The following RABGAP1L variants were observed in gnomAD, a reference collection of about 807,000 sequenced individuals.
RABGAP1L encodes the protein rab GTPase-activating protein 1-like.
A neutral mutation model predicts 137.7 loss-of-function variants in RABGAP1L; 63 were observed. The ratio of observed to expected loss-of-function variants is 0.46; its 90% CI spans 0.37 to 0.56. The LOEUF (loss-of-function observed/expected upper bound fraction) is 0.56, where lower values mean the gene tolerates loss of function less well. Ranked by LOEUF, RABGAP1L falls within the 20% of genes least tolerant of loss-of-function variation. RABGAP1L has a pLI of 0.00. For missense variants in RABGAP1L, 1,095 were observed against 1,244.0 expected (o/e 0.88, Z 1.80); for synonymous variants, 431 against 433.7 (o/e 0.99, Z 0.08).
chr1:174,380,032 T>G (rs1488178209), intron 12 of RABGAP1L, among the ~76,000 whole-genome samples: 1 of 130,410 alleles, frequency 7.7e-6, no homozygotes, highest in Non-Finnish European at 1.6e-5. Flanking sequence ...TTTTTCTGCA[T>G]CTATTGAGAT....
intron 19 of RABGAP1L, among the ~76,000 whole-genome samples, chr1:174,895,812 T>C (rs1040720253): frequency 6.6e-6 from 1 of 152,208 alleles, no homozygotes; most frequent in African/African-American, 2.4e-5. Flanking sequence ...ATGGTATATA[T>C]GTGCCACATT....
At chr1:174,745,446 A>G (rs1683796667) in intron 17 of RABGAP1L, among the ~76,000 whole-genome samples, 1 of 152,204 alleles carries the variant, frequency 6.6e-6, no homozygotes, top group African/African-American at 2.4e-5. Flanking sequence ...GCATCAAATA[A>G]TTGTGACTCT....
intron 13 of RABGAP1L, among the ~76,000 whole-genome samples, chr1:174,620,938 A>G (rs1328995845): frequency 6.6e-6 from 1 of 152,208 alleles, no homozygotes. Context: ...CGCAATAAAA[A>G]ATGATAAAGG....
Position 174,256,361 on chromosome 1 carries a change from G to A in RABGAP1L, c.986+3771G>A, listed in dbSNP as rs1201878157. ...GAGGCAGATGGCTATCACAGAGATA[G>A]CCATCTGTCCCTTGATGATGATGAT... On this transcript the variant is annotated intron_variant, in intron 7 of 25. Transcript: ENST00000681986. Among the ~76,000 whole-genome samples the A allele has an allele frequency of 3.9e-5, 6 of 152,096 alleles. No individual in the cohort carries two copies. The East Asian group carries it at 1.2e-3, about 29-fold the overall frequency.
chr1:174,992,537 A>ATTTT lies in RABGAP1L; in HGVS notation c.*2547_*2550dup, dbSNP rs553018185. 1 of 144,888 alleles carries ATTTT rather than the reference A, an allele frequency of 6.9e-6. No homozygotes were observed. 9.0% of individuals were successfully genotyped at this position (144,888 alleles called of 1,614,324 possible). On this transcript the variant is annotated 3_prime_UTR_variant, in exon 26 of 26. Transcript: ENST00000681986. ...TCAAAAGATTACGAGGGCAATACAT[A>ATTTT]TTTTTTTTTTTTTTATTCTCCAGCC...
chr1:174,205,870 T>G (rs1436018989), intron 1 of RABGAP1L, among the ~76,000 whole-genome samples: 4 of 152,308 alleles, frequency 2.6e-5, no homozygotes, highest in East Asian at 1.9e-4. Context: ...TAAACTAATT[T>G]GTGCAAAAAT....
chr1:174,615,698 A>T (rs920308677), intron 13 of RABGAP1L, among the ~76,000 whole-genome samples: 1 of 152,210 alleles, frequency 6.6e-6, no homozygotes, highest in Non-Finnish European at 1.5e-5. Flanking sequence ...CTACAGAGGC[A>T]GGCAGGCCTC....
At chr1:174,327,968 T>TATATATATAC (rs1680605931) in intron 11 of RABGAP1L, among the ~76,000 whole-genome samples, 45 of 14,312 alleles carry the variant, frequency 3.1e-3, no homozygotes, top group African/African-American at 0.027. Flanking sequence ...TATATATATA[T>TATATATATAC]ATATATATAT....
At chr1:174,837,616 A>C (rs1438261436) in intron 19 of RABGAP1L, among the ~76,000 whole-genome samples, 1 of 152,234 alleles carries the variant, frequency 6.6e-6, no homozygotes, top group African/African-American at 2.4e-5. Flanking sequence ...GGGCAAACAA[A>C]TGCTATGCCA....
chr1:174,547,335 G>A (rs957828466), intron 13 of RABGAP1L, among the ~76,000 whole-genome samples: 1 of 152,116 alleles, frequency 6.6e-6, no homozygotes, highest in African/African-American at 2.4e-5. Flanking sequence ...GAGCAAGTAA[G>A]CCTGGGTGCA....
chr1:174,436,571 G>A (rs1473958122), intron 13 of RABGAP1L, among the ~76,000 whole-genome samples: 5 of 152,272 alleles, frequency 3.3e-5, no homozygotes, highest in Non-Finnish European at 5.9e-5. Flanking sequence ...TGTCAGATGA[G>A]TAGGCTGCAA....
At chr1:174,954,789 T>C (rs1668269204) in intron 19 of RABGAP1L, among the ~76,000 whole-genome samples, 1 of 152,184 alleles carries the variant, frequency 6.6e-6, no homozygotes, top group Non-Finnish European at 1.5e-5. Flanking sequence ...CTGCTCCCCT[T>C]GGCCCTTGTT....
intron 13 of RABGAP1L, among the ~76,000 whole-genome samples, chr1:174,495,354 C>A (rs929068179): frequency 3.3e-5 from 5 of 152,094 alleles, no homozygotes; most frequent in Admixed American, 3.3e-4. Flanking sequence ...TCCCTTGCTC[C>A]TCTTTTTCTA....
At chr1:174,272,593 G>T (rs1324358977) in intron 8 of RABGAP1L, 113 bp downstream of exon 8, 1 of 1,280,866 alleles carries the variant, frequency 7.8e-7, no homozygotes, top group African/African-American at 1.6e-5. Flanking sequence ...TCTTGCAGCT[G>T]TGTGATAGTA....
intron 12 of RABGAP1L, among the ~76,000 whole-genome samples, chr1:174,392,003 TA>T (rs1687239469): frequency 6.6e-6 from 1 of 152,190 alleles, no homozygotes; most frequent in South Asian, 2.1e-4. Flanking sequence ...TGTGGCATAA[TA>T]TTCCTTGTCA....
At chr1:174,688,105 A>G (rs1399080676) in intron 15 of RABGAP1L, among the ~76,000 whole-genome samples, 2 of 152,206 alleles carry the variant, frequency 1.3e-5, no homozygotes, top group Admixed American at 6.5e-5. Context: ...GCCTGCAACC[A>G]TTATAATGTT....
At chr1:174,567,238 A>T (rs1667646829) in intron 13 of RABGAP1L, among the ~76,000 whole-genome samples, 1 of 152,102 alleles carries the variant, frequency 6.6e-6, no homozygotes, top group African/African-American at 2.4e-5. Context: ...GAATTTGCCT[A>T]TTCTAAGTAC....
At chr1:174,602,360 G>C (rs922098816) in intron 13 of RABGAP1L, among the ~76,000 whole-genome samples, 1 of 152,120 alleles carries the variant, frequency 6.6e-6, no homozygotes. Context: ...TGATAAACCC[G>C]TTAGATCTCG....
At chr1:174,763,421 C>T (rs1208480938) in intron 18 of RABGAP1L, among the ~76,000 whole-genome samples, 2 of 145,742 alleles carry the variant, frequency 1.4e-5, no homozygotes, top group Non-Finnish European at 3.0e-5. Context: ...GAGGCCGAGG[C>T]GGGCGGATCA....
Sources: allele counts gnomAD v4.1 joint callset (sites outside exome capture counted in the v4.1 genomes callset), GRCh38; gene constraint gnomAD v4.1.1; transcripts MANE v1.5; gene names NCBI Gene and HGNC (gene_info 2026-07-23, HGNC 2026-07-21).